The following CCDC82 variants were observed in gnomAD, a reference collection of about 807,000 sequenced individuals.
The protein encoded by CCDC82 is coiled-coil domain containing 82, also known as coiled-coil domain-containing protein 82.
CCDC82 carries 47 observed loss-of-function variants against 60.6 expected under a neutral mutation model. The observed-to-expected ratio is 0.77, with a 90% CI of 0.61 to 0.99. CCDC82 has a LOEUF of 0.99. Ranked by LOEUF, CCDC82 falls within the 50% of genes least tolerant of loss-of-function variation. The probability of loss-of-function intolerance (pLI) is 0.00; values close to 1 mark genes in which losing one functional copy is unlikely to be tolerated. For missense variants in CCDC82, 588 were observed against 633.0 expected (o/e 0.93, Z 0.76); for synonymous variants, 212 against 207.4 (o/e 1.02, Z -0.19).
At chr11:96,375,474 G>A in intron 5 of CCDC82, among the ~76,000 whole-genome samples, 1 of 152,170 alleles carries the variant, frequency 6.6e-6, no homozygotes, top group East Asian at 1.9e-4. Context: ...CTGGTGGGTG[G>A]TGGTGGGTTA....
chr11:96,364,170 T>C (rs192067379), intron 8 of CCDC82: 136 of 152,244 alleles, frequency 8.9e-4, no homozygotes, highest in African/African-American at 2.6e-3. Context: ...ATTCCAGATA[T>C]CTTATGTCAT....
At chr11:96,360,788 A>G (rs1864620399) in intron 8 of CCDC82, among the ~76,000 whole-genome samples, 1 of 152,246 alleles carries the variant, frequency 6.6e-6, no homozygotes, top group African/African-American at 2.4e-5. Flanking sequence ...ACAAAGCAGG[A>G]GTATGTTTCC....
intron 5 of CCDC82, 51 bp downstream of exon 5, chr11:96,383,218 T>C (rs745773948): frequency 2.1e-5 from 23 of 1,071,518 alleles, no homozygotes. Flanking sequence ...TGATACTTGA[T>C]AAAATATCAT....
intron 5 of CCDC82, among the ~76,000 whole-genome samples, chr11:96,377,373 C>CAT (rs1163893087): frequency 3.3e-5 from 5 of 151,046 alleles, no homozygotes; most frequent in South Asian, 2.2e-4. Flanking sequence ...CACACACACA[C>CAT]ACACATATTA....
At chr11:96,380,091 T>C (rs918041991) in intron 5 of CCDC82, among the ~76,000 whole-genome samples, 1 of 151,756 alleles carries the variant, frequency 6.6e-6, no homozygotes, top group Admixed American at 6.6e-5. Flanking sequence ...ACCTGGTTAA[T>C]ATAAGAACTA....
chr11:96,375,368 G>T (rs902162185), intron 5 of CCDC82, among the ~76,000 whole-genome samples: 1 of 152,116 alleles, frequency 6.6e-6, no homozygotes, highest in African/African-American at 2.4e-5. Context: ...GAGAAGTCTT[G>T]TCCCTAACCA....
intron 1 of CCDC82, chr11:96,388,528 A>G (rs1866336448): frequency 6.6e-6 from 1 of 152,226 alleles, no homozygotes; most frequent in African/African-American, 2.4e-5. Context: ...AATATATATT[A>G]AAGACAATAA....
At chr11:96,364,815 T>C (rs1864858480) in intron 8 of CCDC82, 165 bp downstream of exon 8, 3 of 562,720 alleles carry the variant, frequency 5.3e-6, no homozygotes, top group South Asian at 4.9e-5. Flanking sequence ...TCTCTCCTAT[T>C]AGATGAACAG....
At chr11:96,385,772 T>C (rs910573852) in intron 3 of CCDC82, 1 of 152,134 alleles carries the variant, frequency 6.6e-6, no homozygotes, top group Non-Finnish European at 1.5e-5. Flanking sequence ...ATCACAAGTA[T>C]ATATTAAAAG....
rs777931608 is a variant in CCDC82 at position 96,358,981 on chromosome 11, T to TATTC, written c.1566+8_1566+11dup. ...GAATCTACATGATAAGATTCTCATA[T>TATTC]ATTCACCTTACCTCCTTAATCCAGC... On this transcript the variant is annotated intron_variant, in intron 9 of 9. Transcript: ENST00000646818. 13 of 1,592,932 alleles carry TATTC rather than the reference T, an allele frequency of 8.2e-6. No individual in the cohort carries two copies. In the African/African-American group the frequency reaches 1.8e-4, roughly 22 times the overall value.
At chr11:96,385,263 G>C (rs1040907200) in intron 3 of CCDC82, 1 of 152,506 alleles carries the variant, frequency 6.6e-6, no homozygotes, top group Non-Finnish European at 1.5e-5. Flanking sequence ...GGGATGTCAG[G>C]CAAGTAATAT....
chr11:96,371,869 C>T (rs1865292953), intron 6 of CCDC82, among the ~76,000 whole-genome samples: 1 of 152,154 alleles, frequency 6.6e-6, no homozygotes, highest in Non-Finnish European at 1.5e-5. Context: ...TCATTACTGC[C>T]TTTCTGATTT....
rs192794050 is a variant in CCDC82, at chr11:96,354,779, G to A, written c.1567-1065C>T. On this transcript the variant is annotated intron_variant, in intron 9 of 9. Coordinates refer to ENST00000646818, the MANE Select transcript of CCDC82 (RefSeq NM_024725.4). ...TCATGATTTCAGTTTCAGACATATAGAGTTCAAAGTATTTATTTCAGTGAG... is the reference window on the plus strand; with the variant it reads ...TCATGATTTCAGTTTCAGACATATAAAGTTCAAAGTATTTATTTCAGTGAG... 77 of 152,292 alleles carry A rather than the reference G, an allele frequency of 5.1e-4. No homozygotes were observed. The East Asian group carries it at 0.01, about 21-fold the overall frequency. 9.4% of individuals were successfully genotyped at this position (152,292 alleles called of 1,614,324 possible).
chr11:96,364,886 C>T (rs1864861676), intron 8 of CCDC82, 94 bp downstream of exon 8: 5 of 1,171,370 alleles, frequency 4.3e-6, no homozygotes, highest in Non-Finnish European at 4.8e-6. Context: ...AAAAATGTTT[C>T]CACTTGGGTC....
intron 8 of CCDC82, among the ~76,000 whole-genome samples, chr11:96,362,317 G>A (rs6483498): frequency 0.71 from 107,216 of 152,058 alleles, 38,041 homozygotes; most frequent in African/African-American, 0.8. Flanking sequence ...CAAAGAAAAA[G>A]GATTCTCAAG....
At chr11:96,388,021 TG>T (rs1866297544) in intron 1 of CCDC82, 1 of 152,252 alleles carries the variant, frequency 6.6e-6, no homozygotes, top group Non-Finnish European at 1.5e-5. Context: ...CAGGTTTCAT[TG>T]GACCAACTGC....
At chr11:96,388,554 TTC>T (rs1866340308) in intron 1 of CCDC82, 1 of 152,246 alleles carries the variant, frequency 6.6e-6, no homozygotes, top group South Asian at 2.1e-4. Context: ...ATTGCTTGTG[TTC>T]TTTCTCTAAC....
intron 8 of CCDC82, among the ~76,000 whole-genome samples, chr11:96,362,311 G>T (rs1257454934): frequency 6.6e-6 from 1 of 152,098 alleles, no homozygotes; most frequent in Admixed American, 6.5e-5. Flanking sequence ...GAAGAACAAA[G>T]AAAAAGGATT....
At chr11:96,380,297 G>T (rs897546069) in intron 5 of CCDC82, among the ~76,000 whole-genome samples, 11 of 151,590 alleles carry the variant, frequency 7.3e-5, no homozygotes, top group African/African-American at 1.9e-4. Flanking sequence ...TACAAGTTGA[G>T]GAAAAAGAGT....
Sources: allele counts gnomAD v4.1 joint callset (sites outside exome capture counted in the v4.1 genomes callset), GRCh38; gene constraint gnomAD v4.1.1; transcripts MANE v1.5; gene names NCBI Gene and HGNC (gene_info 2026-07-23, HGNC 2026-07-21).